Variants in ARHGAP15 observed in about 807,000 individuals in gnomAD.
ARHGAP15 encodes Rho GTPase activating protein 15.
In ARHGAP15, 51 loss-of-function variants were observed where a neutral mutation model predicts 63.7. The observed-to-expected ratio is 0.80, with a 90% CI of 0.64 to 1.01. The LOEUF (loss-of-function observed/expected upper bound fraction) is 1.01, where lower values mean the gene tolerates loss of function less well. ARHGAP15 is among the 50% of genes least tolerant of loss of function. The pLI is 0.00. For synonymous variants in ARHGAP15, 191 were observed against 193.8 expected, an observed-to-expected ratio of 0.99 and a Z score of 0.12; for missense variants, 560 against 564.6, an observed-to-expected ratio of 0.99 and a Z score of 0.08.
At chr2:143,254,939 A>G (rs1427571033) in intron 6 of ARHGAP15, among the ~76,000 whole-genome samples, 1 of 152,210 alleles carries the variant, frequency 6.6e-6, no homozygotes, top group East Asian at 1.9e-4. Context: ...TAAAATAGGA[A>G]GTAAAGATGA....
At chr2:143,338,144 A>G (rs1574298492) in intron 6 of ARHGAP15, among the ~76,000 whole-genome samples, 1 of 152,230 alleles carries the variant, frequency 6.6e-6, no homozygotes, top group East Asian at 1.9e-4. Flanking sequence ...ATTCTTTGAG[A>G]GCCTTTAGAA....
chr2:143,582,903 G>A (rs1396950365), intron 11 of ARHGAP15, among the ~76,000 whole-genome samples: 1 of 152,202 alleles, frequency 6.6e-6, no homozygotes, highest in African/African-American at 2.4e-5. Flanking sequence ...AATCTTGAAA[G>A]CTGTTTTTCT....
intron 2 of ARHGAP15, among the ~76,000 whole-genome samples, chr2:143,177,034 GT>G (rs1691034379): frequency 6.6e-6 from 1 of 152,136 alleles, no homozygotes; most frequent in Admixed American, 6.5e-5. Context: ...AGTTTTGGAA[GT>G]CTTAAGGAGT....
chr2:143,414,485 A>G (rs1688594739), intron 6 of ARHGAP15, among the ~76,000 whole-genome samples: 1 of 152,160 alleles, frequency 6.6e-6, no homozygotes. Flanking sequence ...TAGAAAATTA[A>G]CTCAAGAAAT....
chr2:143,656,556 T>C (rs1559106655), intron 12 of ARHGAP15, among the ~76,000 whole-genome samples: 1 of 152,232 alleles, frequency 6.6e-6, no homozygotes, highest in Non-Finnish European at 1.5e-5. Flanking sequence ...AAAGACTGTC[T>C]GGGTAAAGAA....
intron 13 of ARHGAP15, among the ~76,000 whole-genome samples, chr2:143,717,803 C>A (rs1684874603): frequency 6.6e-6 from 1 of 151,496 alleles, no homozygotes; most frequent in Non-Finnish European, 1.5e-5. Context: ...CAAGGCTGTG[C>A]AGCCTTTACA....
At chr2:143,271,653 A>G (rs907865897) in intron 6 of ARHGAP15, among the ~76,000 whole-genome samples, 3 of 151,748 alleles carry the variant, frequency 2.0e-5, no homozygotes, top group African/African-American at 7.3e-5. Context: ...TTTTTTTGTA[A>G]CTTTAGTAGA....
chr2:143,425,241 T>C (rs980079428), intron 6 of ARHGAP15, among the ~76,000 whole-genome samples: 1 of 152,092 alleles, frequency 6.6e-6, no homozygotes, highest in Non-Finnish European at 1.5e-5. Flanking sequence ...GGGTGGCCTG[T>C]TGCTCAATTG....
chr2:143,320,409 C>CCCGCCCCCCCCCCCG (rs1553463619), intron 6 of ARHGAP15, among the ~76,000 whole-genome samples: 1 of 15,104 alleles, frequency 6.6e-5, no homozygotes, highest in Admixed American at 6.1e-4. Context: ...GACTTCCCCA[C>CCCGCCCCCCCCCCCG]CCCCCCCCCC....
chr2:143,198,164 T>C (rs1691958195), intron 2 of ARHGAP15, among the ~76,000 whole-genome samples: 1 of 152,120 alleles, frequency 6.6e-6, no homozygotes, highest in Non-Finnish European at 1.5e-5. Flanking sequence ...CCTTTTAAGG[T>C]TTGGGTGAGA....
At chr2:143,490,315 A>G (rs1692532312) in intron 9 of ARHGAP15, among the ~76,000 whole-genome samples, 1 of 152,080 alleles carries the variant, frequency 6.6e-6, no homozygotes, top group East Asian at 1.9e-4. Flanking sequence ...GTCAATTTTC[A>G]AAGTGTTTAT....
At chr2:143,143,429 T>C (rs181244491) in intron 1 of ARHGAP15, among the ~76,000 whole-genome samples, 118 of 151,812 alleles carry the variant, frequency 7.8e-4, no homozygotes, top group Non-Finnish European at 1.4e-3. Context: ...GTTTAAGTAA[T>C]GTGAACTGGC....
chr2:143,542,770 A>C (rs6734055), intron 10 of ARHGAP15, among the ~76,000 whole-genome samples: 6 of 56,250 alleles, frequency 1.1e-4, no homozygotes, highest in African/African-American at 2.9e-4. Context: ...CACATATATA[A>C]TATATATATG....
chr2:143,712,930 C>T (rs1574876015), intron 13 of ARHGAP15, among the ~76,000 whole-genome samples: 1 of 152,238 alleles, frequency 6.6e-6, no homozygotes, highest in East Asian at 1.9e-4. Flanking sequence ...GCACTGGCTC[C>T]AGAAGGGCAG....
intron 5 of ARHGAP15, among the ~76,000 whole-genome samples, chr2:143,232,734 T>C (rs1693495884): frequency 6.6e-6 from 1 of 152,154 alleles, no homozygotes; most frequent in African/African-American, 2.4e-5. Flanking sequence ...TAGTCATTAT[T>C]TCATTGCCTT....
chr2:143,136,680 A>T (rs1689156598), intron 1 of ARHGAP15, among the ~76,000 whole-genome samples: 1 of 152,076 alleles, frequency 6.6e-6, no homozygotes, highest in African/African-American at 2.4e-5. Context: ...GAAGAAAAAG[A>T]TATGGAAAGA....
intron 12 of ARHGAP15, among the ~76,000 whole-genome samples, chr2:143,666,828 A>G (rs1033127095): frequency 1.3e-5 from 2 of 149,552 alleles, no homozygotes; most frequent in African/African-American, 2.6e-5. Context: ...AATGCTCATC[A>G]TCACTGGCCA....
intron 6 of ARHGAP15, among the ~76,000 whole-genome samples, chr2:143,272,781 T>C (rs1454988775): frequency 6.6e-6 from 1 of 152,252 alleles, no homozygotes; most frequent in Non-Finnish European, 1.5e-5. Flanking sequence ...TTTTCAGTAC[T>C]ACTAAGGCCT....
At chr2:143,669,564 G>C (rs1051246246) in intron 12 of ARHGAP15, among the ~76,000 whole-genome samples, 4 of 152,188 alleles carry the variant, frequency 2.6e-5, no homozygotes, top group Non-Finnish European at 5.9e-5. Flanking sequence ...AACAGCCATG[G>C]TTTGTTGAAC....
Sources: gnomAD v4.1 joint callset for allele counts (sites outside exome capture counted in the v4.1 genomes callset) on GRCh38, gnomAD v4.1.1 for gene constraint, MANE v1.5 for transcripts, NCBI Gene and HGNC (gene_info 2026-07-23, HGNC 2026-07-21) for gene names.